The following PTTG1IP2 variants were observed in gnomAD, a reference collection of about 807,000 sequenced individuals.
The protein encoded by PTTG1IP2 is PTTG1IP family member 2.
intron 2 of PTTG1IP2, among the ~76,000 whole-genome samples, chr7:90,485,269 TC>T (rs376866542): frequency 6.4e-4 from 98 of 152,252 alleles, no homozygotes; most frequent in Non-Finnish European, 1.2e-3. Flanking sequence ...TCTCCATCCA[TC>T]CCCATATTTT....
At chr7:90,478,028 C>A (rs1584691471) in intron 1 of PTTG1IP2, among the ~76,000 whole-genome samples, 1 of 130,742 alleles carries the variant, frequency 7.6e-6, no homozygotes, top group East Asian at 2.6e-4. Flanking sequence ...ACCTGGGAGG[C>A]GGAGGTTGTA....
At chr7:90,482,885 G>A (rs1045262276) in intron 2 of PTTG1IP2, among the ~76,000 whole-genome samples, 28 of 152,132 alleles carry the variant, frequency 1.8e-4, no homozygotes, top group African/African-American at 6.5e-4. Flanking sequence ...GTTACAGCAA[G>A]CCCAGTGGGA....
chr7:90,511,578 A>G (rs1798191027), intron 6 of PTTG1IP2, among the ~76,000 whole-genome samples: 1 of 152,120 alleles, frequency 6.6e-6, no homozygotes, highest in Non-Finnish European at 1.5e-5. Flanking sequence ...ATGTAGTTAA[A>G]ACTCTTAACT....
chr7:90,491,825 A>C (rs892988020), intron 4 of PTTG1IP2, among the ~76,000 whole-genome samples: 11 of 152,150 alleles, frequency 7.2e-5, no homozygotes, highest in Admixed American at 5.2e-4. Flanking sequence ...GAATTTGATA[A>C]TGCAATGATA....
intron 5 of PTTG1IP2, among the ~76,000 whole-genome samples, chr7:90,493,159 C>T (rs2116089990): frequency 6.6e-6 from 1 of 152,132 alleles, no homozygotes; most frequent in Non-Finnish European, 1.5e-5. Context: ...TGCGGGGGGG[C>T]TTCAGATTAT....
chr7:90,502,869 G>A (rs1798075202), intron 6 of PTTG1IP2, among the ~76,000 whole-genome samples: 1 of 152,148 alleles, frequency 6.6e-6, no homozygotes, highest in South Asian at 2.1e-4. Flanking sequence ...AGTGAGCACT[G>A]GCTTCAACTT....
chr7:90,509,648 A>G (rs1798162686), intron 6 of PTTG1IP2, among the ~76,000 whole-genome samples: 1 of 152,176 alleles, frequency 6.6e-6, no homozygotes, highest in Non-Finnish European at 1.5e-5. Flanking sequence ...GTTTACAAAC[A>G]TGAAGCCAGG....
intron 6 of PTTG1IP2, among the ~76,000 whole-genome samples, chr7:90,507,478 C>A (rs1798137250): frequency 6.6e-6 from 1 of 151,970 alleles, no homozygotes; most frequent in South Asian, 2.1e-4. Flanking sequence ...AAATAATAAC[C>A]ATTTTTCAAG....
At chr7:90,485,479 C>T (rs2046102574) in intron 2 of PTTG1IP2, among the ~76,000 whole-genome samples, 2 of 152,076 alleles carry the variant, frequency 1.3e-5, no homozygotes, top group Admixed American at 1.3e-4. Flanking sequence ...TCTCAAAGAC[C>T]CACTATTCAA....
chr7:90,503,385 A>C (rs529552764), intron 6 of PTTG1IP2, among the ~76,000 whole-genome samples: 87 of 152,344 alleles, frequency 5.7e-4, no homozygotes, highest in African/African-American at 2.0e-3. Flanking sequence ...CTGGAATAGC[A>C]GTTTTAATTT....
intron 1 of PTTG1IP2, among the ~76,000 whole-genome samples, chr7:90,477,216 G>A (rs1456092183): frequency 6.6e-6 from 1 of 152,138 alleles, no homozygotes; most frequent in Non-Finnish European, 1.5e-5. Flanking sequence ...AGGCCTTGAG[G>A]GTGAAAGAAT....
chr7:90,499,039 A>T (rs1373981892), intron 6 of PTTG1IP2, among the ~76,000 whole-genome samples: 1 of 152,076 alleles, frequency 6.6e-6, no homozygotes, highest in Non-Finnish European at 1.5e-5. Context: ...TTTTGTAGAG[A>T]TGGGATTTCA....
At chr7:90,479,043 T>G (rs933880955) in intron 1 of PTTG1IP2, among the ~76,000 whole-genome samples, 185 bp from the exon 2 acceptor site, 1 of 152,124 alleles carries the variant, frequency 6.6e-6, no homozygotes, top group African/African-American at 2.4e-5. Context: ...AGAAAAGACT[T>G]AAAACTAAGA....
At chr7:90,480,710 T>TTTTG (rs1377365097) in intron 2 of PTTG1IP2, among the ~76,000 whole-genome samples, 1 of 152,162 alleles carries the variant, frequency 6.6e-6, no homozygotes, top group African/African-American at 2.4e-5. Context: ...GTTGAGTCAT[T>TTTTG]TTTGTTTGTT....
intron 6 of PTTG1IP2, among the ~76,000 whole-genome samples, chr7:90,508,127 G>A (rs190219282): frequency 5.3e-4 from 80 of 151,996 alleles, no homozygotes; most frequent in African/African-American, 1.8e-3. Context: ...AGCCAGGCAT[G>A]GTGGTGGTGC....
intron 6 of PTTG1IP2, among the ~76,000 whole-genome samples, chr7:90,503,733 C>T (rs1311216720): frequency 1.3e-5 from 2 of 152,118 alleles, no homozygotes; most frequent in Admixed American, 6.5e-5. Flanking sequence ...GTTTGTGGCA[C>T]CCCCATAACA....
At chr7:90,472,307 CACACACACACACA>C (rs774638976) in intron 1 of PTTG1IP2, among the ~76,000 whole-genome samples, 19,830 of 145,848 alleles carry the variant, frequency 0.14, 1,524 homozygotes, top group East Asian at 0.4. Context: ...CACACACACA[CACACACACACACA>C]CCCCAAATAA....
intron 6 of PTTG1IP2, among the ~76,000 whole-genome samples, chr7:90,497,563 C>CA (rs758753541): frequency 0.2 from 8,562 of 43,540 alleles, 768 homozygotes; most frequent in Middle Eastern, 0.28. Context: ...GAATCCGTCT[C>CA]AAAAAAAAAA....
At chr7:90,493,074 C>T (rs1797957086) in intron 5 of PTTG1IP2, among the ~76,000 whole-genome samples, 1 of 152,116 alleles carries the variant, frequency 6.6e-6, no homozygotes, top group Non-Finnish European at 1.5e-5. Context: ...AAAAATTTTA[C>T]ATCATGATAA....
Sources: allele counts gnomAD v4.1 joint callset (sites outside exome capture counted in the v4.1 genomes callset), GRCh38; gene constraint gnomAD v4.1.1; transcripts MANE v1.5; gene names NCBI Gene and HGNC (gene_info 2026-07-23, HGNC 2026-07-21).